The following DOK6 variants were observed in gnomAD, a reference collection of about 807,000 sequenced individuals.
The protein encoded by DOK6 is downstream of tyrosine kinase 6.
Under a neutral mutation model 44.0 loss-of-function variants are expected in DOK6, and 22 were observed. The observed-to-expected ratio is 0.50, with a 90% CI of 0.36 to 0.71. The LOEUF is 0.71. Ranked by LOEUF, DOK6 falls within the 30% of genes least tolerant of loss-of-function variation. The pLI is 0.00. For missense variants in DOK6, 340 were observed against 416.4 expected (o/e 0.82, Z 1.60); for synonymous variants, 166 against 145.5 (o/e 1.14, Z -1.01).
intron 3 of DOK6, among the ~76,000 whole-genome samples, chr18:69,666,792 TG>T (rs1985670250): frequency 6.6e-6 from 1 of 152,200 alleles, no homozygotes; most frequent in Non-Finnish European, 1.5e-5. Flanking sequence ...CTGACAACCC[TG>T]GGTCACCTTT....
intron 1 of DOK6, among the ~76,000 whole-genome samples, chr18:69,546,258 C>G (rs1275248539): frequency 1.4e-5 from 2 of 143,762 alleles, no homozygotes; most frequent in African/African-American, 2.6e-5. Flanking sequence ...GCTTGGACAA[C>G]AAGAGCAAAA....
At chr18:69,811,746 C>G (rs1472468370) in intron 7 of DOK6, among the ~76,000 whole-genome samples, 1 of 151,822 alleles carries the variant, frequency 6.6e-6, no homozygotes, top group Non-Finnish European at 1.5e-5. Context: ...CTGATATATG[C>G]TTAAATTCCA....
chr18:69,416,213 C>T (rs540639544), intron 1 of DOK6, among the ~76,000 whole-genome samples: 2 of 100,800 alleles, frequency 2.0e-5, no homozygotes, highest in Non-Finnish European at 4.2e-5. Flanking sequence ...AAGGAAGGAA[C>T]GAAGGAAGGA....
chr18:69,712,236 C>G (rs372852198), intron 5 of DOK6, among the ~76,000 whole-genome samples: 12 of 120,514 alleles, frequency 1.0e-4, no homozygotes, highest in East Asian at 2.6e-4. Context: ...AGCCGAGATC[C>G]CGCCACTGCA....
chr18:69,659,821 G>GTT (rs1193916924), intron 3 of DOK6: 2 of 71,736 alleles, frequency 2.8e-5, no homozygotes, highest in East Asian at 3.5e-4. Flanking sequence ...CTTTTTTTTT[G>GTT]TTATATATAT....
chr18:69,538,221 G>A (rs575102128), intron 1 of DOK6, among the ~76,000 whole-genome samples: 1 of 152,250 alleles, frequency 6.6e-6, no homozygotes, highest in African/African-American at 2.4e-5. Flanking sequence ...AGAGTGAGAA[G>A]AAAAATAAGT....
chr18:69,571,405 C>T (rs183476434), intron 2 of DOK6, among the ~76,000 whole-genome samples: 14 of 151,926 alleles, frequency 9.2e-5, no homozygotes, highest in East Asian at 7.7e-4. Flanking sequence ...TGAATAATTA[C>T]GTTGTGTTAG....
intron 1 of DOK6, among the ~76,000 whole-genome samples, chr18:69,417,424 G>T (rs1279672195): frequency 9.2e-5 from 14 of 152,050 alleles, no homozygotes. Flanking sequence ...GAAGAACATT[G>T]CGTTGTGTAT....
intron 1 of DOK6, among the ~76,000 whole-genome samples, chr18:69,539,031 A>G (rs1317822155): frequency 6.6e-6 from 1 of 152,218 alleles, no homozygotes; most frequent in African/African-American, 2.4e-5. Context: ...AAACATAAAC[A>G]GAAGTCGTGT....
At chr18:69,698,318 C>A in intron 4 of DOK6, 86 bp from the exon 5 acceptor site, 1 of 1,232,010 alleles carries the variant, frequency 8.1e-7, no homozygotes, top group Non-Finnish European at 1.1e-6. Flanking sequence ...TTCCTGCAGT[C>A]TGTAGATAAA....
intron 1 of DOK6, among the ~76,000 whole-genome samples, chr18:69,457,851 G>A (rs1599140628): frequency 2.0e-5 from 3 of 152,138 alleles, no homozygotes; most frequent in African/African-American, 4.8e-5. Flanking sequence ...ACATCAAAAA[G>A]TTAATTCACA....
chr18:69,838,097 A>AAG (rs147750150), intron 7 of DOK6, among the ~76,000 whole-genome samples: 1 of 152,056 alleles, frequency 6.6e-6, no homozygotes, highest in South Asian at 2.1e-4. Context: ...ATTTAAAAAA[A>AAG]GTGTTAATAA....
intron 1 of DOK6, among the ~76,000 whole-genome samples, chr18:69,519,930 T>A (rs1012468337): frequency 3.3e-5 from 5 of 151,894 alleles, no homozygotes; most frequent in African/African-American, 1.2e-4. Flanking sequence ...TAATTTCCAA[T>A]TTTAAAATGA....
chr18:69,561,397 C>T (rs1019783032), intron 1 of DOK6, among the ~76,000 whole-genome samples: 8 of 152,078 alleles, frequency 5.3e-5, no homozygotes, highest in African/African-American at 1.7e-4. Context: ...CAGAATTCTA[C>T]AGCACTAAAT....
At chr18:69,694,272 G>A (rs1986343708) in intron 4 of DOK6, among the ~76,000 whole-genome samples, 1 of 151,340 alleles carries the variant, frequency 6.6e-6, no homozygotes, top group South Asian at 2.1e-4. Context: ...TTGTAGCCCT[G>A]TCTAGACTCT....
chr18:69,574,090 C>G (rs1983182591), intron 2 of DOK6, among the ~76,000 whole-genome samples: 1 of 151,942 alleles, frequency 6.6e-6, no homozygotes, highest in South Asian at 2.1e-4. Flanking sequence ...AAGCCCAATT[C>G]ATATATGATG....
intron 1 of DOK6, among the ~76,000 whole-genome samples, chr18:69,540,163 C>T (rs1164531212): frequency 2.0e-5 from 3 of 152,132 alleles, no homozygotes; most frequent in East Asian, 1.9e-4. Flanking sequence ...ATGGGGATTA[C>T]AGTTCAAGAT....
Position 69,742,423 on chromosome 18 carries a change from AAAAAAG to A in DOK6, c.738+3338_738+3343del, listed in dbSNP as rs1239031208. ...GAGTGAAACTCCATCTCAAAAAAAA[AAAAAAG>A]AAAAAGAAAAAGAAAAATTTATCAA... is the stretch of plus-strand genomic sequence containing the variant. On this transcript the variant is annotated intron_variant, in intron 6 of 7. Coordinates refer to ENST00000382713, the MANE Select transcript of DOK6 (RefSeq NM_152721.6). Among the ~76,000 whole-genome samples, 312 of 146,574 alleles carry A rather than the reference AAAAAAG, an allele frequency of 2.1e-3. 21 individuals carry two copies. The highest frequency in any genetic ancestry group is 0.011 in the Middle Eastern group (3 of 282).
intron 3 of DOK6, among the ~76,000 whole-genome samples, chr18:69,611,875 T>C (rs1984148054): frequency 1.3e-5 from 2 of 151,928 alleles, no homozygotes; most frequent in Non-Finnish European, 2.9e-5. Flanking sequence ...TAACAGAGCT[T>C]GTATTGGAAC....
Sources: allele counts gnomAD v4.1 joint callset (sites outside exome capture counted in the v4.1 genomes callset), GRCh38; gene constraint gnomAD v4.1.1; transcripts MANE v1.5; gene names NCBI Gene and HGNC (gene_info 2026-07-23, HGNC 2026-07-21).